PLPP1: variants seen among roughly 807,000 people sequenced by gnomAD.
PLPP1 encodes the protein phospholipid phosphatase 1, also known as lipid phosphate phosphohydrolase 1a.
Under a neutral mutation model 31.2 loss-of-function variants are expected in PLPP1, and 24 were observed. The ratio of observed to expected loss-of-function variants is 0.77; its 90% CI spans 0.56 to 1.08. PLPP1 has a LOEUF of 1.08. Among genes scored for constraint, PLPP1 ranks in the 50% least tolerant of loss-of-function variants. The pLI is 0.00. For synonymous variants in PLPP1, 146 were observed against 126.3 expected (o/e 1.16, Z -1.05); for missense variants, 319 against 342.7 (o/e 0.93, Z 0.55).
chr5:55,444,117 T>A (rs2111716764), intron 3 of PLPP1, among the ~76,000 whole-genome samples: 1 of 151,412 alleles, frequency 6.6e-6, no homozygotes, highest in East Asian at 1.9e-4. Context: ...AGTCTCACTG[T>A]ATTGCCCAGA....
At chr5:55,430,703 A>C (rs963598860) in intron 4 of PLPP1, among the ~76,000 whole-genome samples, 7 of 152,254 alleles carry the variant, frequency 4.6e-5, no homozygotes, top group Non-Finnish European at 5.9e-5. Flanking sequence ...GACACTTCCA[A>C]AGGAACACAG....
At chr5:55,444,770 T>TGTGTGTGTGTGTGTGTGTGA (rs1339633741) in intron 3 of PLPP1, among the ~76,000 whole-genome samples, 11 of 151,240 alleles carry the variant, frequency 7.3e-5, no homozygotes. Context: ...TGTGTGTGTG[T>TGTGTGTGTGTGTGTGTGTGA]GATGGAGTCT....
intron 1 of PLPP1, among the ~76,000 whole-genome samples, chr5:55,509,106 GA>G (rs1753349902): frequency 6.6e-6 from 1 of 152,178 alleles, no homozygotes; most frequent in African/African-American, 2.4e-5. Context: ...GTAACAAAGA[GA>G]AATAAATGTG....
intron 4 of PLPP1, among the ~76,000 whole-genome samples, chr5:55,431,454 A>G (rs983609766): frequency 4.6e-5 from 7 of 152,232 alleles, no homozygotes; most frequent in African/African-American, 1.7e-4. Flanking sequence ...ATGGAATAAA[A>G]CTGGAAATGA....
chr5:55,514,466 C>G (rs893305678), intron 1 of PLPP1, among the ~76,000 whole-genome samples: 1 of 152,116 alleles, frequency 6.6e-6, no homozygotes, highest in South Asian at 2.1e-4. Context: ...TCATATCCCC[C>G]CACCATAAAA....
intron 1 of PLPP1, among the ~76,000 whole-genome samples, chr5:55,531,963 C>T (rs1202450437): frequency 6.6e-6 from 1 of 152,078 alleles, no homozygotes; most frequent in African/African-American, 2.4e-5. Context: ...AAAAGAAATG[C>T]CAGTAATACC....
intron 3 of PLPP1, among the ~76,000 whole-genome samples, chr5:55,466,239 G>C (rs1752292238): frequency 6.6e-6 from 1 of 152,086 alleles, no homozygotes; most frequent in Admixed American, 6.6e-5. Flanking sequence ...TTATCACCAA[G>C]CAAGTTCTCT....
chr5:55,427,711 G>A (rs539486792), intron 4 of PLPP1, among the ~76,000 whole-genome samples: 1 of 144,404 alleles, frequency 6.9e-6, no homozygotes, highest in South Asian at 2.3e-4. Flanking sequence ...TCCCCAACAT[G>A]CCAGTGAAAA....
chr5:55,513,948 C>T (rs551250781), intron 1 of PLPP1, among the ~76,000 whole-genome samples: 52 of 152,270 alleles, frequency 3.4e-4, no homozygotes, highest in African/African-American at 1.2e-3. Context: ...CATTTTAACA[C>T]CTTTAAGGAG....
At chr5:55,472,389 TAAG>T (rs756654812) in intron 2 of PLPP1, among the ~76,000 whole-genome samples, 6 of 151,962 alleles carry the variant, frequency 3.9e-5, no homozygotes, top group Non-Finnish European at 8.8e-5. Context: ...GATCACGAGG[TAAG>T]GAGCTCAAGA....
intron 2 of PLPP1, among the ~76,000 whole-genome samples, chr5:55,472,652 A>G (rs1257806185): frequency 5.0e-5 from 2 of 39,918 alleles, no homozygotes; most frequent in African/African-American, 1.1e-4. Context: ...GAGAGAAAGA[A>G]AGAAAGAGAG....
chr5:55,456,612 AAATTC>A (rs1752019182), intron 3 of PLPP1, among the ~76,000 whole-genome samples: 1 of 152,228 alleles, frequency 6.6e-6, no homozygotes, highest in Non-Finnish European at 1.5e-5. Flanking sequence ...CTGACTTTCA[AAATTC>A]AAGAGAAAAA....
intron 1 of PLPP1, among the ~76,000 whole-genome samples, chr5:55,478,691 GGGCA>G (rs1032851241): frequency 3.3e-5 from 5 of 152,090 alleles, no homozygotes; most frequent in African/African-American, 1.2e-4. Flanking sequence ...AGTGGGGTAA[GGGCA>G]GGTCAGGAGA....
At chr5:55,521,519 AAAAAAAC>A (rs559440692) in intron 1 of PLPP1, among the ~76,000 whole-genome samples, 46 of 152,252 alleles carry the variant, frequency 3.0e-4, no homozygotes, top group Admixed American at 4.6e-4. Flanking sequence ...TCTGTCTCAA[AAAAAAAC>A]AAAAAACAAA....
At chr5:55,522,891 T>C (rs938552848) in intron 1 of PLPP1, among the ~76,000 whole-genome samples, 4 of 152,106 alleles carry the variant, frequency 2.6e-5, no homozygotes, top group African/African-American at 9.7e-5. Context: ...GCTAATTTTT[T>C]GTATTTTTAG....
Position 55,434,179 on chromosome 5 carries a change from AAAG to A in PLPP1, c.549+7669_549+7671del, listed in dbSNP as rs372880884. Reference sequence around the variant, plus strand: ...AATCCCATTAACAATAGCTACAAAAAAAGAAGAAGAAGAAAAAAAGACACCTAG... The same window carrying A: ...AATCCCATTAACAATAGCTACAAAAAAAGAAGAAGAAAAAAAGACACCTAG... On this transcript the variant is annotated intron_variant, in intron 4 of 5. Coordinates refer to ENST00000307259, the MANE Select transcript of PLPP1 (RefSeq NM_003711.4). Among the ~76,000 whole-genome samples the A allele has an allele frequency of 3.3e-3, 506 of 151,976 alleles. 1 individual carries two copies. Among genetic ancestry groups the A allele is most frequent in the African/African-American group, 0.012 (479 of 41,462 alleles).
intron 4 of PLPP1, among the ~76,000 whole-genome samples, chr5:55,433,996 G>GT (rs1168583823): frequency 2.0e-5 from 3 of 151,840 alleles, no homozygotes; most frequent in Non-Finnish European, 2.9e-5. Flanking sequence ...AATTAGCCGG[G>GT]TGCATGCCTG....
intron 5 of PLPP1, chr5:55,425,646 A>G (rs1751164295): frequency 4.1e-6 from 2 of 485,016 alleles, no homozygotes; most frequent in Non-Finnish European, 6.9e-6. Context: ...GCCTTTCACA[A>G]TAAAAATACT....
At chr5:55,504,490 A>G (rs1753224118) in intron 1 of PLPP1, among the ~76,000 whole-genome samples, 1 of 127,892 alleles carries the variant, frequency 7.8e-6, no homozygotes, top group Non-Finnish European at 1.6e-5. Flanking sequence ...GTGCCACTCC[A>G]CTCCAGTCTG....
Sources: allele counts gnomAD v4.1 joint callset (sites outside exome capture counted in the v4.1 genomes callset), GRCh38; gene constraint gnomAD v4.1.1; transcripts MANE v1.5; gene names NCBI Gene and HGNC (gene_info 2026-07-23, HGNC 2026-07-21).